The following SYAP1 variants were observed in gnomAD, a reference collection of about 807,000 sequenced individuals.
SYAP1 encodes the protein synapse associated protein 1, also known as synapse-associated protein 1.
SYAP1 carries 3 observed loss-of-function variants against 29.6 expected under a neutral mutation model. The observed-to-expected ratio is 0.10, with a 90% CI of 0.05 to 0.26. The LOEUF is 0.26. Ranked by LOEUF, SYAP1 falls within the 10% of genes least tolerant of loss-of-function variation. The pLI, the probability that SYAP1 is intolerant of heterozygous loss-of-function variation, is 1.00. For missense variants in SYAP1, 217 were observed against 264.1 expected (o/e 0.82, Z 1.24); for synonymous variants, 102 against 102.7 (o/e 0.99, Z 0.04).
At chrX:16,752,813 C>CT (rs944057840) in intron 5 of SYAP1, among the ~76,000 whole-genome samples, 3 of 111,359 alleles carry the variant, frequency 2.7e-5, no homozygotes, top group African/African-American at 9.8e-5. Context: ...TAAAGTTACT[C>CT]TTTTCCTCTT....
At chrX:16,758,784 T>G (rs936435689) in intron 8 of SYAP1, among the ~76,000 whole-genome samples, 1 of 111,302 alleles carries the variant, frequency 9.0e-6, no homozygotes, top group Non-Finnish European at 1.9e-5. Flanking sequence ...TTTGTGAAAT[T>G]GGTGGCTTCC....
intron 3 of SYAP1, among the ~76,000 whole-genome samples, chrX:16,740,284 C>T (rs1426408865): frequency 2.7e-5 from 3 of 109,817 alleles, no homozygotes; most frequent in East Asian, 5.7e-4. Context: ...TAGCTTCTAA[C>T]GGCTTATTGA....
chrX:16,761,234 G>T lies in SYAP1; in HGVS notation c.*875G>T, dbSNP rs1602339669. On this transcript the variant is annotated 3_prime_UTR_variant, in exon 9 of 9. Coordinates refer to ENST00000380155, the MANE Select transcript of SYAP1 (RefSeq NM_032796.4). ...TCAAAAAAAAAAAAAAAAAAAAGCT[G>T]TGCGAAAATATTTGTTTTTCTCTGG... 1.0e-5 allele frequency: 1 copy of T among 98,333 alleles called. No homozygotes were observed. The highest frequency in any genetic ancestry group is 2.0e-5 in the Non-Finnish European group (1 of 49,368). The allele number at this position is 98,333 out of a possible 1,213,427, so 8.1% of individuals were successfully genotyped here.
At chrX:16,745,988 C>T (rs1926592100) in intron 5 of SYAP1, among the ~76,000 whole-genome samples, 2 of 110,174 alleles carry the variant, frequency 1.8e-5, no homozygotes, top group Non-Finnish European at 3.8e-5. Flanking sequence ...CCTTTTGGTT[C>T]ACACAGCAGC....
rs1314265175 is a variant in SYAP1, at chrX:16,761,547, A to AT, written c.*1193dup. On this transcript the variant is annotated 3_prime_UTR_variant, in exon 9 of 9. Transcript: ENST00000380155. ...AGACACATATTCATAGAATATGATT[A>AT]TTTTTAAAGAACAAGGTGAGGAGGC... The AT allele has an allele frequency of 9.0e-6, 1 of 111,030 alleles. No homozygotes were observed. Among genetic ancestry groups the AT allele is most frequent in the Non-Finnish European group, 1.9e-5 (1 of 53,037 alleles). The allele number at this position is 111,030 out of a possible 1,213,427, so 9.2% of individuals were successfully genotyped here.
At chrX:16,742,920 ATT>A (rs761130108) in intron 4 of SYAP1, among the ~76,000 whole-genome samples, 312 of 62,942 alleles carry the variant, frequency 5.0e-3, no homozygotes, top group Middle Eastern at 0.031. Context: ...GTCCGCTTCT[ATT>A]TTTTTTTTTT....
chrX:16,741,646 C>T, intron 3 of SYAP1, 70 bp from the exon 4 acceptor site: 2 of 777,591 alleles, frequency 2.6e-6, no homozygotes, highest in Non-Finnish European at 3.8e-6. Context: ...GCTTTGAAAC[C>T]ATAGACTGCA....
At chrX:16,730,318 C>T (rs1926178947) in intron 1 of SYAP1, among the ~76,000 whole-genome samples, 1 of 112,640 alleles carries the variant, frequency 8.9e-6, no homozygotes, top group Non-Finnish European at 1.9e-5. Flanking sequence ...CGCACCATTG[C>T]GCTCCAGCCT....
chrX:16,756,430 A>C (rs1352684136), intron 6 of SYAP1, among the ~76,000 whole-genome samples: 1 of 111,873 alleles, frequency 8.9e-6, no homozygotes, highest in East Asian at 2.8e-4. Context: ...CCATGTCTAA[A>C]AATAAATAAA....
chrX:16,722,637 A>T (rs751557481), intron 1 of SYAP1, among the ~76,000 whole-genome samples: 4 of 111,043 alleles, frequency 3.6e-5, no homozygotes, highest in Non-Finnish European at 7.5e-5. Flanking sequence ...CTGGTGACCT[A>T]TTTATACATT....
chrX:16,741,633 CA>C, intron 3 of SYAP1, 82 bp from the exon 4 acceptor site: 1 of 677,668 alleles, frequency 1.5e-6, no homozygotes, highest in African/African-American at 2.2e-5. Context: ...CAGAAACTTT[CA>C]TGCTTTGAAA....
chrX:16,751,857 A>G (rs1157680473), intron 5 of SYAP1, among the ~76,000 whole-genome samples: 2 of 104,315 alleles, frequency 1.9e-5, no homozygotes, highest in Non-Finnish European at 3.9e-5. Flanking sequence ...TGTATTTTTC[A>G]TAGAGACGGG....
In SYAP1 at chrX:16,764,533, T is replaced by C. The variant is rs772492081; in HGVS notation, c.*4174T>C. On this transcript the variant is annotated 3_prime_UTR_variant, in exon 9 of 9. Coordinates refer to ENST00000380155, the MANE Select transcript of SYAP1 (RefSeq NM_032796.4). ...TGTGCCACCACACCTGGCTAATTTT[T>C]GTATTTTTAGTAGAGACGGGGTTTC... 9.3e-6 allele frequency: 1 copy of C among 107,667 alleles called. No homozygotes were observed. Among genetic ancestry groups the C allele is most frequent in the South Asian group, 4.0e-4 (1 of 2,480 alleles). The allele number at this position is 107,667 out of a possible 1,213,427, so 8.9% of individuals were successfully genotyped here.
intron 1 of SYAP1, among the ~76,000 whole-genome samples, chrX:16,734,046 C>T (rs1926268411): frequency 9.0e-6 from 1 of 111,094 alleles, no homozygotes; most frequent in Admixed American, 9.7e-5. Context: ...ATGGGTTCCA[C>T]TTTTAATCTT....
intron 3 of SYAP1, 61 bp downstream of exon 3, chrX:16,736,293 A>C: frequency 7.8e-6 from 6 of 766,421 alleles, no homozygotes; most frequent in Non-Finnish European, 1.0e-5. Context: ...GTTATGTGCT[A>C]GATACCACAC....
chrX:16,757,188 A>T lies in SYAP1; in HGVS notation c.810A>T (p.Pro270=). 2.5e-6 allele frequency: 3 copies of T among 1,211,842 alleles called. No individual in the cohort carries two copies. The highest frequency in any genetic ancestry group is 2.2e-6 in the Non-Finnish European group (2 of 895,366). The part of the protein sequence containing the change: ...QEDEEEISTS[P]GVSEFVSDAF... ...ATGAGGAAGAAATTTCTACTAGCCC[A>T]GGTGTTTCTGAGTTTGTCAGTGATG... Residue 270 remains proline, a synonymous_variant, in exon 8 of 9, where the codon CCA becomes CCT. Coordinates refer to ENST00000380155, the MANE Select transcript of SYAP1 (RefSeq NM_032796.4).
intron 1 of SYAP1, among the ~76,000 whole-genome samples, chrX:16,731,246 AT>A (rs1215986232): frequency 8.9e-6 from 1 of 112,309 alleles, no homozygotes; most frequent in Non-Finnish European, 1.9e-5. Context: ...GTTATTTAAT[AT>A]AACTTTAGAT....
rs1316736660 is a variant in SYAP1 at position 16,764,363 on chromosome X, C to CTTTTTTTTTTTT, written c.*4008_*4019dup. The CTTTTTTTTTTTT allele has an allele frequency of 1.2e-5, 1 of 81,778 alleles. No homozygotes were observed. The highest frequency in any genetic ancestry group is 2.4e-5 in the Non-Finnish European group (1 of 41,003). 6.7% of individuals were successfully genotyped at this position (81,778 alleles called of 1,213,427 possible). Reference sequence around the variant, plus strand: ...TTAGTTTTTCAACTTTTTTTTTTTTCTTTTTTTTTTTTTTTGAGATGGAGG... The same window carrying CTTTTTTTTTTTT: ...TTAGTTTTTCAACTTTTTTTTTTTTCTTTTTTTTTTTTTTTTTTTTTTTTTTTGAGATGGAGG... On this transcript the variant is annotated 3_prime_UTR_variant, in exon 9 of 9. Coordinates refer to ENST00000380155, the MANE Select transcript of SYAP1 (RefSeq NM_032796.4).
chrX:16,741,033 T>C (rs1366208309), intron 3 of SYAP1, among the ~76,000 whole-genome samples: 1 of 110,359 alleles, frequency 9.1e-6, no homozygotes, highest in Non-Finnish European at 1.9e-5. Context: ...ATAACTAGAC[T>C]CAGATTGTCC....
Sources: gnomAD v4.1 joint callset for allele counts (sites outside exome capture counted in the v4.1 genomes callset) on GRCh38, gnomAD v4.1.1 for gene constraint, MANE v1.5 for transcripts, NCBI Gene and HGNC (gene_info 2026-07-23, HGNC 2026-07-21) for gene names.